Variants in CNTN4 observed in about 807,000 individuals in gnomAD.
CNTN4 encodes contactin-4.
CNTN4 carries 77 observed loss-of-function variants against 122.5 expected under a neutral mutation model. The ratio of observed to expected loss-of-function variants is 0.63; its 90% CI spans 0.52 to 0.76. The LOEUF (loss-of-function observed/expected upper bound fraction) is 0.76, where lower values mean the gene tolerates loss of function less well. CNTN4 is among the 30% of genes least tolerant of loss of function. The pLI, the probability that CNTN4 is intolerant of heterozygous loss-of-function variation, is 0.00. For missense variants in CNTN4, 1,256 were observed against 1,259.1 expected, an observed-to-expected ratio of 1.00 and a Z score of 0.04; for synonymous variants, 512 against 447.0, an observed-to-expected ratio of 1.15 and a Z score of -1.83.
At chr3:2,640,261 A>C (rs1004967234) in intron 4 of CNTN4, among the ~76,000 whole-genome samples, 3 of 152,224 alleles carry the variant, frequency 2.0e-5, no homozygotes, top group Non-Finnish European at 4.4e-5. Flanking sequence ...AACATATTAT[A>C]CATGAAAACT....
intron 7 of CNTN4, among the ~76,000 whole-genome samples, chr3:2,835,078 T>C (rs1393837310): frequency 6.6e-6 from 1 of 151,640 alleles, no homozygotes; most frequent in African/African-American, 2.4e-5. Flanking sequence ...CTCATTTTTT[T>C]GTATTTTTAG....
intron 17 of CNTN4, among the ~76,000 whole-genome samples, chr3:3,036,672 C>CACA (rs1203821414): frequency 4.6e-5 from 7 of 150,764 alleles, no homozygotes; most frequent in African/African-American, 9.8e-5. Flanking sequence ...GAGGCTGAGG[C>CACA]ACAAGAATTG....
intron 2 of CNTN4, among the ~76,000 whole-genome samples, chr3:2,169,824 C>T (rs2036389859): frequency 6.6e-6 from 1 of 152,086 alleles, no homozygotes; most frequent in South Asian, 2.1e-4. Flanking sequence ...TCTTAGTCAA[C>T]AATGCTCTGA....
At chr3:3,025,815 A>T (rs957718934) in intron 14 of CNTN4, among the ~76,000 whole-genome samples, 9 of 152,270 alleles carry the variant, frequency 5.9e-5, no homozygotes, top group South Asian at 4.1e-4. Flanking sequence ...GCCAGAAAGT[A>T]AGCCCTTCCA....
intron 3 of CNTN4, among the ~76,000 whole-genome samples, chr3:2,537,788 A>G (rs2077868960): frequency 6.6e-6 from 1 of 152,058 alleles, no homozygotes; most frequent in Admixed American, 6.6e-5. Context: ...CACCCATCAT[A>G]AACATTTACT....
At chr3:2,293,512 C>G (rs1404397744) in intron 2 of CNTN4, among the ~76,000 whole-genome samples, 1 of 152,140 alleles carries the variant, frequency 6.6e-6, no homozygotes, top group Non-Finnish European at 1.5e-5. Context: ...ACTTAATTTC[C>G]CTGTGTCTCA....
At chr3:2,591,250 T>C (rs894462308) in intron 4 of CNTN4, among the ~76,000 whole-genome samples, 3 of 152,162 alleles carry the variant, frequency 2.0e-5, no homozygotes, top group East Asian at 3.8e-4. Flanking sequence ...ATATGAATAA[T>C]TGTTTGTATT....
chr3:2,522,760 A>T (rs2077267090), intron 3 of CNTN4, among the ~76,000 whole-genome samples: 1 of 151,926 alleles, frequency 6.6e-6, no homozygotes, highest in Admixed American at 6.6e-5. Context: ...GTCCACAGAT[A>T]ACACTTGAGT....
intron 2 of CNTN4, among the ~76,000 whole-genome samples, chr3:2,184,054 C>T (rs926794104): frequency 5.3e-5 from 8 of 152,124 alleles, no homozygotes; most frequent in Non-Finnish European, 1.0e-4. Context: ...TTACTGCAGC[C>T]TCAGTCTCCT....
At position 2,356,519 on chromosome 3, in the gene CNTN4, G is replaced by T. The variant is rs184025278; in HGVS notation, c.-89+17286G>T. Among the ~76,000 whole-genome samples, 105 of 152,286 alleles carry T rather than the reference G, an allele frequency of 6.9e-4. 1 individual carries two copies. The Middle Eastern group carries it at 0.01, about 15-fold the overall frequency. ...TTATAATTAGCGTATAATGAGCAGT[G>T]AGGACAACCAGAGGTCACTCTCTTC... On this transcript the variant is annotated intron_variant, in intron 3 of 24. Transcript: ENST00000418658.
intron 2 of CNTN4, among the ~76,000 whole-genome samples, chr3:2,323,270 G>A (rs1213103700): frequency 6.6e-6 from 1 of 152,106 alleles, no homozygotes; most frequent in African/African-American, 2.4e-5. Context: ...TCTGTCCCTG[G>A]AGCACAAACT....
intron 2 of CNTN4, among the ~76,000 whole-genome samples, chr3:2,178,546 G>T (rs1243397064): frequency 6.6e-6 from 1 of 152,058 alleles, no homozygotes; most frequent in Non-Finnish European, 1.5e-5. Context: ...TTGAATCAAT[G>T]ATTAAATATT....
intron 4 of CNTN4, among the ~76,000 whole-genome samples, chr3:2,613,400 A>G (rs1187664932): frequency 6.6e-6 from 1 of 152,128 alleles, no homozygotes; most frequent in African/African-American, 2.4e-5. Context: ...CCCATCTTCT[A>G]TGATGCACAT....
At chr3:2,366,937 T>C (rs923129779) in intron 3 of CNTN4, among the ~76,000 whole-genome samples, 9 of 152,234 alleles carry the variant, frequency 5.9e-5, no homozygotes, top group Middle Eastern at 3.4e-3. Context: ...ACTAAAAATA[T>C]TCATGCTTAG....
At chr3:2,683,177 C>G (rs1186354591) in intron 4 of CNTN4, among the ~76,000 whole-genome samples, 1 of 152,022 alleles carries the variant, frequency 6.6e-6, no homozygotes, top group Non-Finnish European at 1.5e-5. Flanking sequence ...GCTTTGCAGA[C>G]TTGGGTATAG....
At chr3:2,273,187 C>T (rs2041370784) in intron 2 of CNTN4, among the ~76,000 whole-genome samples, 1 of 152,136 alleles carries the variant, frequency 6.6e-6, no homozygotes, top group Admixed American at 6.6e-5. Flanking sequence ...TAATTGTAAA[C>T]TGTGATACTT....
At chr3:2,226,670 A>T (rs560655814) in intron 2 of CNTN4, among the ~76,000 whole-genome samples, 1 of 152,294 alleles carries the variant, frequency 6.6e-6, no homozygotes, top group Admixed American at 6.5e-5. Context: ...AGGGCTATTA[A>T]GTTCTTCATT....
intron 13 of CNTN4, among the ~76,000 whole-genome samples, chr3:2,962,222 A>C (rs2094868197): frequency 6.6e-6 from 1 of 152,180 alleles, no homozygotes; most frequent in African/African-American, 2.4e-5. Context: ...CCCCTTAGGG[A>C]ATTTTTATGT....
At chr3:2,480,717 A>C (rs2075966658) in intron 3 of CNTN4, among the ~76,000 whole-genome samples, 1 of 152,236 alleles carries the variant, frequency 6.6e-6, no homozygotes. Context: ...GTCCCAATCA[A>C]AATCCCAGAA....
Sources: allele counts gnomAD v4.1 joint callset (sites outside exome capture counted in the v4.1 genomes callset), GRCh38; gene constraint gnomAD v4.1.1; transcripts MANE v1.5; gene names NCBI Gene and HGNC (gene_info 2026-07-23, HGNC 2026-07-21).